The following CHL1 variants were observed in gnomAD, a reference collection of about 807,000 sequenced individuals.
CHL1 encodes cell adhesion molecule L1 like, also known as neural cell adhesion molecule L1-like protein.
In CHL1, 96 loss-of-function variants were observed where a neutral mutation model predicts 141.9. That is an observed-to-expected ratio of 0.68 (90% CI 0.57 to 0.80). The LOEUF (loss-of-function observed/expected upper bound fraction) is 0.80, where lower values mean the gene tolerates loss of function less well. Ranked by LOEUF, CHL1 falls within the 30% of genes least tolerant of loss-of-function variation. CHL1 has a pLI of 0.00. For missense variants in CHL1, 1,820 were observed against 1,457.2 expected (o/e 1.25, Z -4.05); for synonymous variants, 613 against 502.2 (o/e 1.22, Z -2.95).
At chr3:401,805 G>A (rs1229571159) in intron 27 of CHL1, 107 bp downstream of exon 27, 5 of 638,918 alleles carry the variant, frequency 7.8e-6, no homozygotes, top group South Asian at 2.3e-5. Context: ...TAACTACAAT[G>A]TAATGACCCT....
chr3:218,429 G>T (rs757154915), intron 1 of CHL1, among the ~76,000 whole-genome samples: 5 of 152,102 alleles, frequency 3.3e-5, no homozygotes, highest in Non-Finnish European at 7.3e-5. Context: ...ATATACTTTT[G>T]TGTATCATAT....
chr3:390,715 C>G lies in CHL1; in HGVS notation c.2485C>G (p.Pro829Ala). 6.3e-7 allele frequency: 1 copy of G among 1,585,922 alleles called. No homozygotes were observed. ...ATGATTAACAGATCCTGATACAGCT[C>G]CAGTGATCCATGGGGTGGACGTTAT... Reference protein sequence around the residue: ...YSGEDYPDTAPVIHGVDVINS... With the variant: ...YSGEDYPDTAAVIHGVDVINS... The change falls in exon 21 of 28, where the codon CCA becomes GCA. Residue 829 changes from proline to alanine, a missense_variant. Coordinates refer to ENST00000256509, the MANE Select transcript of CHL1 (RefSeq NM_006614.4).
intron 2 of CHL1, among the ~76,000 whole-genome samples, chr3:286,816 A>G (rs961210744): frequency 1.3e-5 from 2 of 152,142 alleles, no homozygotes; most frequent in Admixed American, 6.5e-5. Flanking sequence ...TTTTTAGACC[A>G]TATAAGGTAA....
At chr3:275,205 G>A (rs1320586982) in intron 2 of CHL1, among the ~76,000 whole-genome samples, 1 of 152,150 alleles carries the variant, frequency 6.6e-6, no homozygotes, top group African/African-American at 2.4e-5. Context: ...AAGTGGTAGG[G>A]GTCAGGCTCT....
chr3:394,647 G>C, intron 23 of CHL1, 46 bp from the exon 24 acceptor site: 1 of 1,362,636 alleles, frequency 7.3e-7, no homozygotes, highest in East Asian at 2.3e-5. Context: ...AATGCAACTT[G>C]AATGGTTAAA....
rs140249726 is a variant in CHL1 at position 326,384 on chromosome 3, C to G, written c.197+320C>G. On this transcript the variant is annotated intron_variant, in intron 4 of 27. Transcript: ENST00000256509. ...GCTGAAAACTAGAAGATCCTTTATT[C>G]TACTTAGTAAAATGTAGCATTTATT... 8.5e-5 allele frequency among the ~76,000 whole-genome samples: 13 copies of G among 152,058 alleles called. No individual in the cohort carries two copies. The East Asian group carries it at 2.5e-3, about 29-fold the overall frequency.
chr3:338,679 T>A (rs1702127213), intron 5 of CHL1, among the ~76,000 whole-genome samples: 2 of 152,238 alleles, frequency 1.3e-5, no homozygotes, highest in African/African-American at 2.4e-5. Context: ...TGTTTTCCAA[T>A]ATTCATTTTG....
chr3:341,431 ATCAGTTC>A (rs1287628663), intron 6 of CHL1, among the ~76,000 whole-genome samples: 1 of 152,214 alleles, frequency 6.6e-6, no homozygotes, highest in Non-Finnish European at 1.5e-5. Context: ...TGTTCCAGAC[ATCAGTTC>A]CCCTAGAACC....
rs1043392154 is a variant in CHL1, at chr3:391,600, A to C, written c.2792-75A>C. 5.0e-6 allele frequency: 5 copies of C among 998,260 alleles called. No individual in the cohort carries two copies. In the African/African-American group the frequency reaches 6.7e-5, roughly 13 times the overall value. 61.8% of individuals were successfully genotyped at this position (998,260 alleles called of 1,614,324 possible). ...ATGAGTTTGCTTGTCAATTTCTATA[A>C]AATTTATAATATAATAAGGCTTTTT... On this transcript the variant is annotated intron_variant, in intron 22 of 27. Coordinates refer to ENST00000256509, the MANE Select transcript of CHL1 (RefSeq NM_006614.4).
intron 2 of CHL1, among the ~76,000 whole-genome samples, chr3:316,569 T>C (rs1324818746): frequency 6.6e-6 from 1 of 151,972 alleles, no homozygotes; most frequent in Non-Finnish European, 1.5e-5. Context: ...TGGATCTGAG[T>C]TGATATCATT....
At chr3:205,845 A>G (rs1699384185) in intron 1 of CHL1, among the ~76,000 whole-genome samples, 1 of 152,220 alleles carries the variant, frequency 6.6e-6, no homozygotes, top group African/African-American at 2.4e-5. Flanking sequence ...CAGTGATTTG[A>G]GGAAAGTACT....
Position 354,690 on chromosome 3 carries a change from A to C in CHL1, c.1084A>C (p.Ser362Arg), listed in dbSNP as rs1703563043. The C allele has an allele frequency of 6.2e-7, 1 of 1,613,932 alleles. No homozygotes were observed. The highest frequency in any genetic ancestry group is 1.7e-5 in the Admixed American group (1 of 59,984). Reference sequence around the variant, plus strand: ...TCAGAGTGCTGTGTATAGCACCGGAAGCAATGGCATCTTGTTATGTGAGGC... The same window carrying C: ...TCAGAGTGCTGTGTATAGCACCGGACGCAATGGCATCTTGTTATGTGAGGC... ...KPQSAVYSTG[S>R]NGILLCEAEG... Residue 362 changes from serine (S) to arginine (R), a missense_variant, in exon 11 of 28, where the codon AGC becomes CGC. Coordinates refer to ENST00000256509, the MANE Select transcript of CHL1 (RefSeq NM_006614.4).
intron 2 of CHL1, among the ~76,000 whole-genome samples, chr3:278,378 G>A (rs888877443): frequency 6.6e-6 from 1 of 152,130 alleles, no homozygotes; most frequent in Non-Finnish European, 1.5e-5. Flanking sequence ...CGGCTAATGT[G>A]GGAGCTGTCA....
rs116501486 is a variant in CHL1, at chr3:291,037, T to C, written c.-94-28646T>C. On this transcript the variant is annotated intron_variant, in intron 2 of 27. Transcript: ENST00000256509. ...TTAATTTTGCTTAATAACATAGTCA[T>C]TGAAATTAATTTATAAATAATATTG... is the stretch of plus-strand genomic sequence containing the variant. Among the ~76,000 whole-genome samples the C allele has an allele frequency of 8.1e-3, 1,226 of 152,204 alleles. 14 individuals are homozygous for C. The highest frequency in any genetic ancestry group is 0.028 in the African/African-American group (1,178 of 41,554).
rs1035403761 is a variant in CHL1, at chr3:350,402, G to A, written c.1033+859G>A. Among the ~76,000 whole-genome samples, 4 of 152,096 alleles carry A rather than the reference G, an allele frequency of 2.6e-5. No homozygotes were observed. In the South Asian group the frequency reaches 6.2e-4, roughly 24 times the overall value. On this transcript the variant is annotated intron_variant, in intron 10 of 27. Transcript: ENST00000256509. ...CTTTCTATCTACAATGTAGTTGACC[G>A]TATTGATCAAATTAATGGAATGATG... is the stretch of plus-strand genomic sequence containing the variant.
At chr3:228,649 G>A (rs776105563) in intron 1 of CHL1, among the ~76,000 whole-genome samples, 18 of 152,088 alleles carry the variant, frequency 1.2e-4, no homozygotes, top group Non-Finnish European at 2.2e-4. Context: ...GTGTGTTATC[G>A]CAGCAATTTT....
chr3:235,712 T>C (rs757092341), intron 1 of CHL1, among the ~76,000 whole-genome samples: 1 of 152,228 alleles, frequency 6.6e-6, no homozygotes, highest in African/African-American at 2.4e-5. Flanking sequence ...TAGAAAGTAA[T>C]ATAAAGTCAG....
At chr3:217,244 G>T (rs1336598193) in intron 1 of CHL1, among the ~76,000 whole-genome samples, 1 of 152,082 alleles carries the variant, frequency 6.6e-6, no homozygotes, top group Admixed American at 6.6e-5. Flanking sequence ...AAGAAAACAG[G>T]TCTCTCCAAG....
intron 15 of CHL1, among the ~76,000 whole-genome samples, chr3:368,068 G>T (rs1705137251): frequency 6.6e-6 from 1 of 152,140 alleles, no homozygotes; most frequent in South Asian, 2.1e-4. Context: ...ATATGTGTAT[G>T]TGTCTTTATA....
Sources: allele counts gnomAD v4.1 joint callset (sites outside exome capture counted in the v4.1 genomes callset), GRCh38; gene constraint gnomAD v4.1.1; transcripts MANE v1.5; gene names NCBI Gene and HGNC (gene_info 2026-07-23, HGNC 2026-07-21).